LRRTM4: variants seen among roughly 807,000 people sequenced by gnomAD.
LRRTM4 encodes the protein leucine rich repeat transmembrane neuronal 4, also known as leucine-rich repeat transmembrane neuronal protein 4.
LRRTM4 carries 25 observed loss-of-function variants against 47.6 expected under a neutral mutation model. The ratio of observed to expected loss-of-function variants is 0.53; its 90% CI spans 0.38 to 0.73. The LOEUF is 0.73. LRRTM4 is among the 30% of genes least tolerant of loss of function. The probability of loss-of-function intolerance (pLI) is 0.00; values close to 1 mark genes in which losing one functional copy is unlikely to be tolerated. For missense variants in LRRTM4, 638 were observed against 713.4 expected, an observed-to-expected ratio of 0.89 and a Z score of 1.20; for synonymous variants, 311 against 269.5, an observed-to-expected ratio of 1.15 and a Z score of -1.51.
At chr2:77,419,801 A>T (rs1483738719) in intron 3 of LRRTM4, among the ~76,000 whole-genome samples, 1 of 152,150 alleles carries the variant, frequency 6.6e-6, no homozygotes, top group African/African-American at 2.4e-5. Context: ...GGGAGCTTCA[A>T]GAAAAAAAAA....
intron 3 of LRRTM4, among the ~76,000 whole-genome samples, chr2:76,968,600 G>C (rs1179601774): frequency 6.6e-6 from 1 of 151,152 alleles, no homozygotes; most frequent in Non-Finnish European, 1.5e-5. Context: ...TTGCTTTTTA[G>C]CTAACTATTC....
chr2:76,833,978 A>G (rs1017305707), intron 3 of LRRTM4, among the ~76,000 whole-genome samples: 1 of 151,146 alleles, frequency 6.6e-6, no homozygotes, highest in African/African-American at 2.4e-5. Context: ...TTGAATGATA[A>G]CCAGGACTTA....
At position 77,398,461 on chromosome 2, in the gene LRRTM4, G is replaced by A. The variant is rs188647068; in HGVS notation, c.1551+119857C>T. On this transcript the variant is annotated intron_variant, in intron 3 of 3. Transcript: ENST00000409884. ...ATACTTTTTTTTCAGATAAATATAT[G>A]AATATCTACAATATAGGAGACACAT... 3.3e-5 allele frequency among the ~76,000 whole-genome samples: 5 copies of A among 151,742 alleles called. No individual in the cohort carries two copies. In the East Asian group the frequency reaches 7.8e-4, roughly 24 times the overall value.
chr2:77,115,480 T>A (rs1045306520), intron 3 of LRRTM4, among the ~76,000 whole-genome samples: 4 of 152,198 alleles, frequency 2.6e-5, no homozygotes, highest in Admixed American at 2.0e-4. Context: ...AAGACAGGCC[T>A]AAGAAATTAT....
Position 76,798,727 on chromosome 2 carries a change from G to C in LRRTM4, c.1552-49811C>G, listed in dbSNP as rs1339217826. 7.3e-4 allele frequency among the ~76,000 whole-genome samples: 111 copies of C among 151,138 alleles called. No homozygotes were observed. In the East Asian group the frequency reaches 0.017, roughly 23 times the overall value. ...AGCAAGACTAATAAAGAAGAAAAGA[G>C]AGAAGAATCAAATAGATGCAATAAA... On this transcript the variant is annotated intron_variant, in intron 3 of 3. Transcript: ENST00000409884.
chr2:77,471,206 T>C (rs764600295), intron 3 of LRRTM4, among the ~76,000 whole-genome samples: 21 of 152,164 alleles, frequency 1.4e-4, no homozygotes, highest in Non-Finnish European at 2.5e-4. Context: ...AAAGCAATTC[T>C]ATTCTTCTTG....
chr2:76,835,501 C>T (rs1477495875), intron 3 of LRRTM4, among the ~76,000 whole-genome samples: 1 of 151,868 alleles, frequency 6.6e-6, no homozygotes, highest in Non-Finnish European at 1.5e-5. Context: ...AACTTTCTGA[C>T]TAAGAAATGT....
At chr2:77,422,750 A>G (rs1477234679) in intron 3 of LRRTM4, among the ~76,000 whole-genome samples, 1 of 152,186 alleles carries the variant, frequency 6.6e-6, no homozygotes, top group African/African-American at 2.4e-5. Context: ...AAATTGTTAC[A>G]GGAATATGGT....
At chr2:77,162,875 A>G (rs1672769936) in intron 3 of LRRTM4, among the ~76,000 whole-genome samples, 1 of 152,248 alleles carries the variant, frequency 6.6e-6, no homozygotes, top group African/African-American at 2.4e-5. Context: ...GGGAGAAACC[A>G]GAGCAGAAAA....
chr2:77,173,292 A>G (rs1340515677), intron 3 of LRRTM4, among the ~76,000 whole-genome samples: 1 of 152,190 alleles, frequency 6.6e-6, no homozygotes, highest in Non-Finnish European at 1.5e-5. Context: ...GTAAAATACC[A>G]TCTCAAGAGT....
At chr2:77,041,617 C>T (rs56181709) in intron 3 of LRRTM4, among the ~76,000 whole-genome samples, 53,065 of 150,914 alleles carry the variant, frequency 0.35, 10,976 homozygotes, top group African/African-American at 0.57. Flanking sequence ...GAGTGAGATG[C>T]TATCTCATTT....
intron 3 of LRRTM4, among the ~76,000 whole-genome samples, chr2:77,303,993 A>G (rs1416515489): frequency 2.6e-5 from 4 of 152,138 alleles, no homozygotes; most frequent in Non-Finnish European, 4.4e-5. Context: ...TTGCTGGATT[A>G]TATGATCATT....
intron 3 of LRRTM4, among the ~76,000 whole-genome samples, chr2:76,833,292 G>A (rs1045465919): frequency 2.0e-5 from 3 of 151,918 alleles, no homozygotes; most frequent in Admixed American, 6.6e-5. Context: ...ATCTATATCC[G>A]TGCTGCAAAC....
intron 3 of LRRTM4, among the ~76,000 whole-genome samples, chr2:77,184,393 C>CCT: frequency 6.6e-6 from 1 of 152,026 alleles, no homozygotes; most frequent in East Asian, 1.9e-4. Flanking sequence ...TTCCTTACCT[C>CCT]CTACAAAAAT....
At chr2:76,968,607 A>T (rs1204303592) in intron 3 of LRRTM4, among the ~76,000 whole-genome samples, 1 of 151,500 alleles carries the variant, frequency 6.6e-6, no homozygotes, top group African/African-American at 2.4e-5. Context: ...TTAGCTAACT[A>T]TTCTGTTTGG....
intron 3 of LRRTM4, among the ~76,000 whole-genome samples, chr2:76,865,903 C>T (rs770407424): frequency 7.9e-5 from 12 of 152,044 alleles, no homozygotes; most frequent in Non-Finnish European, 1.8e-4. Flanking sequence ...GATCACTTTA[C>T]ATTATGAAAA....
intron 3 of LRRTM4, among the ~76,000 whole-genome samples, chr2:77,090,459 C>A (rs528128437): frequency 6.6e-6 from 1 of 152,272 alleles, no homozygotes; most frequent in South Asian, 2.1e-4. Flanking sequence ...AAATTAAATT[C>A]TGGCCCTCAA....
chr2:76,804,261 T>G (rs1573137315), intron 3 of LRRTM4, among the ~76,000 whole-genome samples: 1 of 152,224 alleles, frequency 6.6e-6, no homozygotes, highest in African/African-American at 2.4e-5. Context: ...TATTGTATTC[T>G]GAGATTTTTT....
At chr2:77,215,045 C>T (rs959339609) in intron 3 of LRRTM4, among the ~76,000 whole-genome samples, 2 of 152,092 alleles carry the variant, frequency 1.3e-5, no homozygotes, top group Non-Finnish European at 2.9e-5. Context: ...AAGGACTAGC[C>T]ATATATTCCC....
Sources: allele counts gnomAD v4.1 joint callset (sites outside exome capture counted in the v4.1 genomes callset), GRCh38; gene constraint gnomAD v4.1.1; transcripts MANE v1.5; gene names NCBI Gene and HGNC (gene_info 2026-07-23, HGNC 2026-07-21).